Variants in CLEC4A observed in about 807,000 individuals in gnomAD.
CLEC4A encodes C-type (calcium dependent, carbohydrate-recognition domain) lectin, superfamily member 6.
In CLEC4A, 27 loss-of-function variants were observed where a neutral mutation model predicts 32.7. The ratio of observed to expected loss-of-function variants is 0.83; its 90% CI spans 0.61 to 1.14. The LOEUF (loss-of-function observed/expected upper bound fraction) is 1.14. Ranked by LOEUF, CLEC4A falls within the 50% of genes most tolerant of loss-of-function variation. The pLI, the probability that CLEC4A is intolerant of heterozygous loss-of-function variation, is 0.00. For synonymous variants in CLEC4A, 89 were observed against 93.7 expected, an observed-to-expected ratio of 0.95 and a Z score of 0.29; for missense variants, 253 against 274.6, an observed-to-expected ratio of 0.92 and a Z score of 0.55.
Position 8,138,167 on chromosome 12 carries a change from T to C in CLEC4A, c.594T>C (p.Asp198=), listed in dbSNP as rs1413444588. 1 of 1,614,096 alleles carries C rather than the reference T, an allele frequency of 6.2e-7. No individual in the cohort carries two copies. The highest frequency in any genetic ancestry group is 1.7e-5 in the Admixed American group (1 of 60,002). The change falls in exon 6 of 6, where the codon GAT becomes GAC. Residue 198 remains aspartate, a synonymous_variant. Coordinates refer to ENST00000229332, the MANE Select transcript of CLEC4A (RefSeq NM_016184.4). ...TCTGGCATCCACGTGAGCCCAGTGATCCCAATGAGCGCTGCGTTGTGCTAA... is the reference window on the plus strand; with the variant it reads ...TCTGGCATCCACGTGAGCCCAGTGACCCCAATGAGCGCTGCGTTGTGCTAA... ...STFWHPREPS[D]PNERCVVLNF... is the part of the protein sequence containing the mutation.
intron 3 of CLEC4A, among the ~76,000 whole-genome samples, chr12:8,135,069 T>TTTTTTTTTTTTTTTA (rs1948089265): frequency 2.4e-5 from 3 of 124,238 alleles, no homozygotes; most frequent in South Asian, 2.8e-4. Flanking sequence ...TTTTTTTTTT[T>TTTTTTTTTTTTTTTA]GAGACAGGTT....
At chr12:8,102,932 T>C in the CLEC4A span, among the ~76,000 whole-genome samples, 4 of 152,212 alleles carry the variant, frequency 2.6e-5, no homozygotes, top group Non-Finnish European at 5.9e-5. Context: ...CTTCCTGAAC[T>C]GCGTCTTTTC....
At chr12:8,110,692 A>G in the CLEC4A span, among the ~76,000 whole-genome samples, 2 of 152,120 alleles carry the variant, frequency 1.3e-5, no homozygotes, top group Non-Finnish European at 2.9e-5. Flanking sequence ...TCAGGTTTTT[A>G]AATTAGGAAT....
chr12:8,126,114 C>CT (rs1947896904), intron 2 of CLEC4A, among the ~76,000 whole-genome samples: 1 of 152,224 alleles, frequency 6.6e-6, no homozygotes, highest in African/African-American at 2.4e-5. Flanking sequence ...TCTCCACTGG[C>CT]TTTTACTCTG....
intron 4 of CLEC4A, among the ~76,000 whole-genome samples, chr12:8,136,109 A>G (rs952810239): frequency 3.3e-5 from 5 of 152,242 alleles, no homozygotes; most frequent in Admixed American, 1.3e-4. Context: ...ATGAATCACA[A>G]TCAACACTCA....
At position 8,136,858 on chromosome 12, in the gene CLEC4A, G is replaced by A. The variant is rs201586495; in HGVS notation, c.521G>A (p.Arg174Gln). 113 of 1,613,632 alleles carry A rather than the reference G, an allele frequency of 7.0e-5. No homozygotes were observed. The highest frequency in any genetic ancestry group is 9.2e-5 in the Non-Finnish European group (108 of 1,179,614). The change falls in exon 5 of 6, where the codon CGA becomes CAA. Residue 174 changes from arginine (R) to glutamine (Q), a missense_variant. By Grantham distance (43) the Arg-to-Gln change is conservative. Transcript: ENST00000229332. ...FVGLSDPEGQ[R>Q]HWQWVDQTPY... ...GGGCTCTCAGATCCAGAAGGTCAGC[G>A]ACATTGGCAATGGGTTGATCAGACA...
chr12:8,117,277 T>C, the CLEC4A span, among the ~76,000 whole-genome samples: 133,218 of 151,684 alleles, frequency 0.88, 60,555 homozygotes, highest in Non-Finnish European at 0.99. Flanking sequence ...ATCTCTCTGT[T>C]GCGCAGGCTG....
At chr12:8,120,357 C>A (rs150799677), upstream of CLEC4A, among the ~76,000 whole-genome samples, 83 of 152,276 alleles carry the variant, frequency 5.5e-4, no homozygotes, top group African/African-American at 1.9e-3. Context: ...TCATGAGAGA[C>A]CTCATTAGCA....
At position 8,135,633 on chromosome 12, in the gene CLEC4A, A is replaced by G. The variant is rs1403841792; in HGVS notation, c.347A>G (p.Asn116Ser). The change falls in exon 4 of 6, where the codon AAC becomes AGC. Residue 116 changes from asparagine (N) to serine (S), a missense_variant. Asn to Ser is a conservative substitution (Grantham distance 46, BLOSUM62 1). Transcript: ENST00000229332. ...CPKNWKSFSS[N>S]CYFISTESAS... ...AAGAATTGGAAGTCATTTAGTTCCA[A>G]CTGCTACTTTATTTCTACTGAATCA... 1 of 1,614,208 alleles carries G rather than the reference A, an allele frequency of 6.2e-7. No homozygotes were observed. Among genetic ancestry groups the G allele is most frequent in the Non-Finnish European group, 8.5e-7 (1 of 1,180,024 alleles).
At chr12:8,113,235 C>A in the CLEC4A span, among the ~76,000 whole-genome samples, 2,015 of 150,758 alleles carry the variant, frequency 0.013, 48 homozygotes, top group African/African-American at 0.047. Flanking sequence ...TTTGTCCTTG[C>A]GATAGTTTGC....
At chr12:8,116,106 G>A in the CLEC4A span, among the ~76,000 whole-genome samples, 1 of 151,952 alleles carries the variant, frequency 6.6e-6, no homozygotes, top group Non-Finnish European at 1.5e-5. Flanking sequence ...GATTACAGGT[G>A]TGCACCACTA....
At chr12:8,120,531 G>A (rs1947822957), upstream of CLEC4A, among the ~76,000 whole-genome samples, 1 of 152,216 alleles carries the variant, frequency 6.6e-6, no homozygotes, top group Non-Finnish European at 1.5e-5. Context: ...GAACGAACAA[G>A]TGAAGGCACA....
At chr12:8,111,178 C>CTTTTT in the CLEC4A span, among the ~76,000 whole-genome samples, 5 of 100,304 alleles carry the variant, frequency 5.0e-5, 1 homozygote, top group Non-Finnish European at 4.0e-5. Context: ...GGCCCAACAT[C>CTTTTT]TTTTTTTTTT....
chr12:8,138,414 T>A lies in CLEC4A; in HGVS notation c.*127T>A. ...TAGGTGGTCTGTCAACTATTCTACT[T>A]ATGAGAGAATTGGTCTGTACATTGA... On this transcript the variant is annotated 3_prime_UTR_variant, in exon 6 of 6. Transcript: ENST00000229332. The A allele has an allele frequency of 9.0e-7, 1 of 1,115,242 alleles. No individual in the cohort carries two copies. Among genetic ancestry groups the A allele is most frequent in the Non-Finnish European group, 1.3e-6 (1 of 771,670 alleles). The allele number at this position is 1,115,242 out of a possible 1,614,324, so 69.1% of individuals were successfully genotyped here. A position where few individuals can be genotyped will look rare whatever the true frequency, so the allele number is the denominator to read the frequency against.
upstream of CLEC4A, among the ~76,000 whole-genome samples, chr12:8,118,637 C>T (rs1030776813): frequency 7.2e-5 from 11 of 152,172 alleles, no homozygotes; most frequent in African/African-American, 2.7e-4. Context: ...CGAGAACTCA[C>T]TATGGCGAGG....
chr12:8,120,267 G>A (rs1053872661), upstream of CLEC4A, among the ~76,000 whole-genome samples: 6 of 152,174 alleles, frequency 3.9e-5, no homozygotes, highest in Non-Finnish European at 7.4e-5. Flanking sequence ...GCTTCAATGC[G>A]CCAATCACAT....
the CLEC4A span, among the ~76,000 whole-genome samples, chr12:8,109,900 C>A: frequency 6.6e-6 from 1 of 151,938 alleles, no homozygotes; most frequent in African/African-American, 2.4e-5. Context: ...GAGGTAGATG[C>A]CCCAAGATTG....
the CLEC4A span, among the ~76,000 whole-genome samples, chr12:8,114,369 C>T: frequency 3.9e-5 from 6 of 152,206 alleles, no homozygotes; most frequent in East Asian, 1.2e-3. Context: ...CTCAGCCTCC[C>T]GAGTAGCTGG....
chr12:8,102,946 T>C, the CLEC4A span, among the ~76,000 whole-genome samples: 2 of 152,198 alleles, frequency 1.3e-5, no homozygotes, highest in East Asian at 3.8e-4. Flanking sequence ...TCTTTTCTTA[T>C]CATTACTGAG....
Sources: gnomAD v4.1 joint callset for allele counts (sites outside exome capture counted in the v4.1 genomes callset) on GRCh38, gnomAD v4.1.1 for gene constraint, MANE v1.5 for transcripts, NCBI Gene and HGNC (gene_info 2026-07-23, HGNC 2026-07-21) for gene names.